Variants in ELFN1 observed in about 807,000 individuals in gnomAD.
ELFN1 encodes the protein protein ELFN1.
ELFN1 carries 6 observed loss-of-function variants against 7.6 expected under a neutral mutation model. That is an observed-to-expected ratio of 0.79 (90% CI 0.43 to 1.56). The LOEUF (loss-of-function observed/expected upper bound fraction) is 1.56. Among genes scored for constraint, ELFN1 ranks in the 40% most tolerant of loss-of-function variants. The pLI is 0.01. For synonymous variants in ELFN1, 657 were observed against 588.1 expected, an observed-to-expected ratio of 1.12 and a Z score of -1.70; for missense variants, 1,169 against 1,232.2, an observed-to-expected ratio of 0.95 and a Z score of 0.77.
intron 1 of ELFN1, among the ~76,000 whole-genome samples, chr7:1,678,096 C>G (rs7806507): frequency 0.089 from 13,618 of 152,194 alleles, 1,696 homozygotes; most frequent in East Asian, 0.36. Context: ...CGAATCCACA[C>G]CAGTCAGGGA....
Position 1,745,879 on chromosome 7 carries a change from G to C in ELFN1, c.1283G>C (p.Gly428Ala), listed in dbSNP as rs952778525. The C allele has an allele frequency of 6.9e-6, 11 of 1,591,766 alleles. No homozygotes were observed. Among genetic ancestry groups the C allele is most frequent in the Non-Finnish European group, 9.4e-6 (11 of 1,170,606 alleles). The change falls in exon 4 of 4, where the codon GGC (glycine) becomes GCC (alanine). Residue 428 changes from glycine (G) to alanine (A), a missense_variant. This residue lies in a region of ELFN1 where 914 missense variants were observed against 872.6 expected (regional missense o/e 1.05). Coordinates refer to ENST00000424383, the MANE Select transcript of ELFN1 (RefSeq NM_001128636.4). ...YIMTILGCLF[G>A]MVLVLGAVYY... ...ATGACCATCCTGGGCTGCCTCTTCG[G>C]CATGGTGCTGGTGCTGGGCGCCGTC...
In ELFN1 at chr7:1,744,509, C is replaced by T; in HGVS notation, c.-88C>T. On this transcript the variant is annotated 5_prime_UTR_variant, in exon 4 of 4. Coordinates refer to ENST00000424383, the MANE Select transcript of ELFN1 (RefSeq NM_001128636.4). ...AGAGTGCAGGCACCTCCCCCTCCCGCCCCTCCATCCCTCTGGGGGCTGGCG... is the reference window on the plus strand; with the variant it reads ...AGAGTGCAGGCACCTCCCCCTCCCGTCCCTCCATCCCTCTGGGGGCTGGCG... 7.3e-7 allele frequency: 1 copy of T among 1,379,086 alleles called. No individual in the cohort carries two copies. The highest frequency in any genetic ancestry group is 9.5e-7 in the Non-Finnish European group (1 of 1,054,506). The allele number at this position is 1,379,086 out of a possible 1,614,324, so 85.4% of individuals were successfully genotyped here.
At position 1,673,963 on chromosome 7, in the gene ELFN1, C is replaced by A. The variant is rs144481613; in HGVS notation, c.-549+3609C>A. 3.0e-3 allele frequency among the ~76,000 whole-genome samples: 463 copies of A among 152,300 alleles called. 1 individual carries two copies. Among genetic ancestry groups the A allele is most frequent in the African/African-American group, 0.011 (444 of 41,570 alleles). On this transcript the variant is annotated intron_variant, in intron 1 of 3. Coordinates refer to ENST00000424383, the MANE Select transcript of ELFN1 (RefSeq NM_001128636.4). This position sits in a 1 kb window ranked among gnomAD's most constrained non-coding sequence, Gnocchi z 4.7. ...GGGGGTCCAGCAGGGCTTGAGGGAC[C>A]TTCAGAGGGGAGGCAGAGAGGACGA...
intron 3 of ELFN1, among the ~76,000 whole-genome samples, chr7:1,742,669 C>T (rs868510732): frequency 3.3e-5 from 5 of 152,344 alleles, no homozygotes; most frequent in Admixed American, 6.5e-5. Flanking sequence ...CTGGGCTTGG[C>T]GTCCCCTGGC....
In ELFN1 at chr7:1,694,179, C is replaced by T. The variant is rs376130715; in HGVS notation, c.-456+6029C>T. ...GCCCCTCACACTCCACCATGCCCAC[C>T]TCCATCTGGAAGGAGGCAGGGAGCC... is the stretch of plus-strand genomic sequence containing the variant. On this transcript the variant is annotated intron_variant, in intron 2 of 3. Coordinates refer to ENST00000424383, the MANE Select transcript of ELFN1 (RefSeq NM_001128636.4). 106 of 208,890 alleles carry T rather than the reference C, an allele frequency of 5.1e-4. 4 individuals are homozygous for T. The South Asian group carries it at 9.8e-3, about 19-fold the overall frequency. 12.9% of individuals were successfully genotyped at this position (208,890 alleles called of 1,614,324 possible). A position where few individuals can be genotyped will look rare whatever the true frequency, so the allele number is the denominator to read the frequency against.
At chr7:1,677,802 G>C (rs933146129) in intron 1 of ELFN1, among the ~76,000 whole-genome samples, 1 of 151,876 alleles carries the variant, frequency 6.6e-6, no homozygotes. Context: ...AAATTCAGTC[G>C]AGCGGATGGA....
chr7:1,732,411 C>T (rs944523391), intron 3 of ELFN1, among the ~76,000 whole-genome samples: 5 of 152,062 alleles, frequency 3.3e-5, no homozygotes, highest in East Asian at 1.9e-4. Flanking sequence ...TGGGGAGCCA[C>T]GTAAGGTTGC....
At chr7:1,676,057 G>A (rs1417851073) in intron 1 of ELFN1, among the ~76,000 whole-genome samples, 18 of 152,218 alleles carry the variant, frequency 1.2e-4, no homozygotes, top group African/African-American at 3.9e-4. Flanking sequence ...AGGGGGACTG[G>A]GATGCTTCCC....
rs1256149579 is a variant in ELFN1 at position 1,673,630 on chromosome 7, A to C, written c.-549+3276A>C. Among the ~76,000 whole-genome samples, 1 of 152,208 alleles carries C rather than the reference A, an allele frequency of 6.6e-6. No individual in the cohort carries two copies. The highest frequency in any genetic ancestry group is 1.5e-5 in the Non-Finnish European group (1 of 68,028). ...GGAGCGCTGATGGCAGACAAGGGCCAACTGTGTGCCCTACCTGGAGCCTGG... is the reference window on the plus strand; with the variant it reads ...GGAGCGCTGATGGCAGACAAGGGCCCACTGTGTGCCCTACCTGGAGCCTGG... On this transcript the variant is annotated intron_variant, in intron 1 of 3. Transcript: ENST00000424383. This position sits in a 1 kb window ranked among gnomAD's most constrained non-coding sequence, Gnocchi z 4.7.
At chr7:1,706,424 A>AAAAACAAAAC (rs57052038) in intron 2 of ELFN1, among the ~76,000 whole-genome samples, 261 of 149,222 alleles carry the variant, frequency 1.7e-3, no homozygotes, top group Admixed American at 3.2e-3. Context: ...TCTGTCTCAA[A>AAAAACAAAAC]AAAACAAAAC....
At chr7:1,713,255 T>C (rs1374951755) in intron 3 of ELFN1, among the ~76,000 whole-genome samples, 2 of 152,164 alleles carry the variant, frequency 1.3e-5, no homozygotes, top group Non-Finnish European at 2.9e-5. Flanking sequence ...AGTGCATAAA[T>C]GTTTGTTGAA....
rs778087378 is a variant in ELFN1, at chr7:1,705,512, C to G, written c.-455-3579C>G. On this transcript the variant is annotated intron_variant, in intron 2 of 3. Transcript: ENST00000424383. This position sits in a 1 kb window ranked among gnomAD's most constrained non-coding sequence, Gnocchi z 4.3. ...AGCGTGGCAGCCGCCACTGCCTGCC[C>G]GAGGGCACTGCTGGGCCCCCCTTCC... Among the ~76,000 whole-genome samples the G allele has an allele frequency of 6.6e-6, 1 of 152,206 alleles. No individual in the cohort carries two copies. Among genetic ancestry groups the G allele is most frequent in the South Asian group, 2.1e-4 (1 of 4,836 alleles).
intron 3 of ELFN1, among the ~76,000 whole-genome samples, chr7:1,716,724 A>G (rs536776573): frequency 2.6e-4 from 40 of 152,038 alleles, no homozygotes; most frequent in African/African-American, 9.4e-4. Flanking sequence ...CTGCAGCCGC[A>G]CTCCCCCAGC....
At chr7:1,707,249 A>G (rs1325930265) in intron 2 of ELFN1, among the ~76,000 whole-genome samples, 1 of 152,220 alleles carries the variant, frequency 6.6e-6, no homozygotes, top group Non-Finnish European at 1.5e-5. Context: ...TTTGCTGGAA[A>G]GTCCGAGAGC....
chr7:1,713,157 C>G (rs1779714828), intron 3 of ELFN1, among the ~76,000 whole-genome samples: 2 of 152,250 alleles, frequency 1.3e-5, no homozygotes, highest in South Asian at 4.1e-4. Context: ...GAGTCCTCGC[C>G]AGGCATGAAA....
rs1780804348 is a variant in ELFN1, at chr7:1,746,615, C to T, written c.2019C>T (p.Gly673=). Reference sequence around the variant, plus strand: ...CCGAGGCCAAGTACATCGAGAAGGGCTCCCCCGCGGCCGACGCCATCCTCA... The same window carrying T: ...CCGAGGCCAAGTACATCGAGAAGGGTTCCCCCGCGGCCGACGCCATCCTCA... ...AAAEAKYIEK[G]SPAADAILTV... Residue 673 remains glycine (G), a synonymous_variant, in exon 4 of 4, where the codon GGC becomes GGT. Transcript: ENST00000424383. 7.4e-7 allele frequency: 1 copy of T among 1,349,636 alleles called. No homozygotes were observed. The highest frequency in any genetic ancestry group is 9.5e-7 in the Non-Finnish European group (1 of 1,055,308). 83.6% of individuals were successfully genotyped at this position (1,349,636 alleles called of 1,614,324 possible). A position where few individuals can be genotyped will look rare whatever the true frequency, so the allele number is the denominator to read the frequency against.
intron 3 of ELFN1, among the ~76,000 whole-genome samples, chr7:1,734,009 T>C (rs1192084658): frequency 6.6e-6 from 1 of 152,178 alleles, no homozygotes; most frequent in East Asian, 1.9e-4. Flanking sequence ...GCTCAGGGGC[T>C]CCTGGAGGTC....
rs147170843 is a variant in ELFN1 at position 1,677,554 on chromosome 7, G to A, written c.-549+7200G>A. On this transcript the variant is annotated intron_variant, in intron 1 of 3. Transcript: ENST00000424383. ...CGCGGGTGTGTGCATGTAGATTCGT[G>A]TCTGAATATGGGAGTGTGCACACAC... Among the ~76,000 whole-genome samples the A allele has an allele frequency of 6.9e-3, 1,043 of 151,862 alleles. 11 individuals carry two copies. The highest frequency in any genetic ancestry group is 0.012 in the South Asian group (57 of 4,810).
chr7:1,718,833 G>C (rs1779914572), intron 3 of ELFN1, among the ~76,000 whole-genome samples: 1 of 152,146 alleles, frequency 6.6e-6, no homozygotes, highest in Non-Finnish European at 1.5e-5. Flanking sequence ...GTGGACCTCA[G>C]CTGTGACCTC....
Sources: gnomAD v4.1 joint callset for allele counts (sites outside exome capture counted in the v4.1 genomes callset) on GRCh38, gnomAD v4.1.1 for gene constraint, gnomAD v4.1.1 regional missense constraint, Gnocchi (gnomAD v3.1) non-coding constraint, MANE v1.5 for transcripts, NCBI Gene and HGNC (gene_info 2026-07-23, HGNC 2026-07-21) for gene names.